MTUS2: variants seen among roughly 807,000 people sequenced by gnomAD.
MTUS2 encodes the protein microtubule-associated tumor suppressor candidate 2.
MTUS2 carries 40 observed loss-of-function variants against 114.1 expected under a neutral mutation model. The observed-to-expected ratio is 0.35, with a 90% CI of 0.27 to 0.46. The LOEUF is 0.46. Ranked by LOEUF, MTUS2 falls within the 20% of genes least tolerant of loss-of-function variation. The probability of loss-of-function intolerance (pLI) is 1.00; values close to 1 mark genes in which losing one functional copy is unlikely to be tolerated. For synonymous variants in MTUS2, 688 were observed against 672.0 expected (o/e 1.02, Z -0.37); for missense variants, 1,679 against 1,705.4 (o/e 0.98, Z 0.27).
At chr13:29,073,094 G>T (rs748377377) in intron 4 of MTUS2, among the ~76,000 whole-genome samples, 5 of 152,090 alleles carry the variant, frequency 3.3e-5, no homozygotes, top group Non-Finnish European at 5.9e-5. Flanking sequence ...GATGTCACTA[G>T]ATATTTGTGA....
chr13:28,850,796 TA>T (rs1165062570), intron 2 of MTUS2, among the ~76,000 whole-genome samples: 3 of 152,122 alleles, frequency 2.0e-5, no homozygotes, highest in Non-Finnish European at 4.4e-5. Flanking sequence ...TCATGGTGGG[TA>T]TAAAATTTCA....
intron 5 of MTUS2, among the ~76,000 whole-genome samples, chr13:29,217,689 C>G (rs1895736641): frequency 1.3e-5 from 2 of 152,352 alleles, no homozygotes; most frequent in South Asian, 4.1e-4. Context: ...AATGATTTCT[C>G]TGTAACACAT....
intron 2 of MTUS2, among the ~76,000 whole-genome samples, chr13:28,958,632 T>G (rs1301297261): frequency 6.6e-6 from 1 of 152,198 alleles, no homozygotes; most frequent in African/African-American, 2.4e-5. Flanking sequence ...GGCAGCCACA[T>G]TGACAAGAGC....
intron 9 of MTUS2, among the ~76,000 whole-genome samples, chr13:29,453,007 T>C (rs1878838877): frequency 6.6e-6 from 1 of 152,154 alleles, no homozygotes; most frequent in South Asian, 2.1e-4. Flanking sequence ...AATACCACCA[T>C]CAGTTTCACA....
chr13:29,458,934 T>A (rs1879297513), intron 9 of MTUS2, among the ~76,000 whole-genome samples: 3 of 152,254 alleles, frequency 2.0e-5, no homozygotes, highest in Non-Finnish European at 4.4e-5. Flanking sequence ...CACAACGGCA[T>A]CAGGGACTCA....
chr13:28,885,736 T>C (rs1197577071), intron 2 of MTUS2, among the ~76,000 whole-genome samples: 2 of 152,248 alleles, frequency 1.3e-5, no homozygotes, highest in African/African-American at 2.4e-5. Context: ...GCTGTTGATT[T>C]GATATATATC....
In MTUS2 at chr13:29,272,009, A is replaced by G. The variant is rs545266919; in HGVS notation, c.2645-9695A>G. Among the ~76,000 whole-genome samples, 36 of 152,158 alleles carry G rather than the reference A, an allele frequency of 2.4e-4. 1 individual carries two copies. The highest frequency in any genetic ancestry group is 8.4e-4 in the South Asian group (4 of 4,782). Reference sequence around the variant, plus strand: ...CAGAATTTGAAACTTTTCATATCTAACGTTTTCTCTGTGGTATCTCAACTT... The same window carrying G: ...CAGAATTTGAAACTTTTCATATCTAGCGTTTTCTCTGTGGTATCTCAACTT... On this transcript the variant is annotated intron_variant, in intron 5 of 15. Coordinates refer to ENST00000612955, the MANE Select transcript of MTUS2 (RefSeq NM_001033602.4).
intron 7 of MTUS2, among the ~76,000 whole-genome samples, chr13:29,334,550 G>A (rs1414990938): frequency 1.3e-5 from 2 of 152,202 alleles, no homozygotes; most frequent in Admixed American, 6.5e-5. Context: ...CTGGCTGGTA[G>A]TGTTTCTGCA....
chr13:29,491,357 TGGTA>T (rs1882063191), intron 11 of MTUS2, among the ~76,000 whole-genome samples: 1 of 150,156 alleles, frequency 6.7e-6, no homozygotes, highest in Non-Finnish European at 1.5e-5. Context: ...TATGCGTGTG[TGGTA>T]GGTGTGTATA....
In MTUS2 at chr13:29,392,687, C is replaced by T. The variant is rs541142861; in HGVS notation, c.3117+33214C>T. Among the ~76,000 whole-genome samples, 30 of 152,076 alleles carry T rather than the reference C, an allele frequency of 2.0e-4. No individual in the cohort carries two copies. In the South Asian group the frequency reaches 6.2e-3, roughly 32 times the overall value. The stretch of plus-strand genomic sequence containing the variant: ...ACTGATAAGTGGACATAGGGAGGTC[C>T]CTAGAGTAGTCAGATTTATAGAGAG... On this transcript the variant is annotated intron_variant, in intron 8 of 15. Coordinates refer to ENST00000612955, the MANE Select transcript of MTUS2 (RefSeq NM_001033602.4).
chr13:29,398,467 T>TA (rs34771582), intron 8 of MTUS2, among the ~76,000 whole-genome samples: 215 of 83,148 alleles, frequency 2.6e-3, no homozygotes, highest in African/African-American at 5.8e-3. Context: ...GTCTCAAAAT[T>TA]AAAAAAAAAA....
chr13:29,491,388 GGT>G (rs1477755531), intron 11 of MTUS2, among the ~76,000 whole-genome samples: 2 of 150,154 alleles, frequency 1.3e-5, no homozygotes, highest in Non-Finnish European at 3.0e-5. Flanking sequence ...ATATGTGTGT[GGT>G]GTGTGTAGTA....
chr13:29,499,685 G>A (rs572651287), intron 14 of MTUS2, among the ~76,000 whole-genome samples: 1 of 152,312 alleles, frequency 6.6e-6, no homozygotes, highest in African/African-American at 2.4e-5. Context: ...TGCCATCTCA[G>A]GCAGGAACTG....
At chr13:29,100,734 C>T (rs1566008545) in intron 4 of MTUS2, 39 bp from the exon 5 acceptor site, 1 of 1,539,212 alleles carries the variant, frequency 6.5e-7, no homozygotes, top group Admixed American at 2.0e-5. Context: ...TCATTATGAA[C>T]TGAGAATAAT....
At chr13:28,971,390 C>T (rs989963132) in intron 2 of MTUS2, among the ~76,000 whole-genome samples, 6 of 152,238 alleles carry the variant, frequency 3.9e-5, no homozygotes, top group African/African-American at 1.4e-4. Context: ...GAGCCAAGTA[C>T]CTAGGATATG....
intron 5 of MTUS2, among the ~76,000 whole-genome samples, chr13:29,194,573 A>G (rs1379815768): frequency 2.0e-5 from 3 of 152,072 alleles, no homozygotes; most frequent in Non-Finnish European, 2.9e-5. Context: ...TAGAATGGCA[A>G]TCATTAAAAA....
intron 2 of MTUS2, among the ~76,000 whole-genome samples, chr13:28,953,928 C>T (rs1013520364): frequency 1.2e-4 from 18 of 152,100 alleles, no homozygotes; most frequent in African/African-American, 3.4e-4. Flanking sequence ...TTAAGGCTTC[C>T]CTTGTCAGAT....
chr13:29,326,356 A>T lies in MTUS2; in HGVS notation c.2905+1645A>T, dbSNP rs187653203. On this transcript the variant is annotated intron_variant, in intron 7 of 15. Coordinates refer to ENST00000612955, the MANE Select transcript of MTUS2 (RefSeq NM_001033602.4). ...ACTAAGATGTGAAATCACACACACA[A>T]GGAAACAAGCCACCATAAATAAGGT... 3.3e-5 allele frequency among the ~76,000 whole-genome samples: 5 copies of T among 152,340 alleles called. No homozygotes were observed. In the East Asian group the frequency reaches 9.7e-4, roughly 29 times the overall value.
rs1042485359 is a variant in MTUS2, at chr13:29,190,347, CTGAT to C, written c.2644+89381_2644+89384del. Reference sequence around the variant, plus strand: ...CTTCATTAAGCACTGTTTTAACCCTCTGATTGAGATGGGAAACTGAGGCAAAGAA... The same window carrying C: ...CTTCATTAAGCACTGTTTTAACCCTCTGAGATGGGAAACTGAGGCAAAGAA... On this transcript the variant is annotated intron_variant, in intron 5 of 15. Coordinates refer to ENST00000612955, the MANE Select transcript of MTUS2 (RefSeq NM_001033602.4). Among the ~76,000 whole-genome samples the C allele has an allele frequency of 5.3e-5, 8 of 152,352 alleles. 1 individual carries two copies. Among genetic ancestry groups the C allele is most frequent in the African/African-American group, 1.7e-4 (7 of 41,584 alleles).
Sources: allele counts gnomAD v4.1 joint callset (sites outside exome capture counted in the v4.1 genomes callset), GRCh38; gene constraint gnomAD v4.1.1; transcripts MANE v1.5; gene names NCBI Gene and HGNC (gene_info 2026-07-23, HGNC 2026-07-21).